PCED1B: variants seen among roughly 807,000 people sequenced by gnomAD.
PCED1B encodes the protein PC-esterase domain-containing protein 1B.
For synonymous variants in PCED1B, 251 were observed against 246.1 expected (o/e 1.02, Z -0.19); for missense variants, 573 against 573.9 (o/e 1.00, Z 0.02).
intron 3 of PCED1B, among the ~76,000 whole-genome samples, chr12:47,217,934 A>C (rs1371953644): frequency 3.3e-5 from 5 of 152,146 alleles, no homozygotes. Context: ...TACTTTTTGG[A>C]GGGTATGCTA....
intron 2 of PCED1B, among the ~76,000 whole-genome samples, chr12:47,104,567 C>G (rs1938861979): frequency 6.6e-6 from 1 of 152,132 alleles, no homozygotes; most frequent in Non-Finnish European, 1.5e-5. Context: ...CAACCACTTG[C>G]AGGTTATCAC....
At chr12:47,120,014 A>G (rs1939609060) in intron 2 of PCED1B, among the ~76,000 whole-genome samples, 1 of 152,092 alleles carries the variant, frequency 6.6e-6, no homozygotes, top group Non-Finnish European at 1.5e-5. Flanking sequence ...CCCAATTAAA[A>G]AATAGAAAAA....
At chr12:47,089,879 T>C (rs1165802764) in intron 1 of PCED1B, among the ~76,000 whole-genome samples, 2 of 152,060 alleles carry the variant, frequency 1.3e-5, no homozygotes, top group African/African-American at 4.8e-5. Flanking sequence ...GTTCAAGTGA[T>C]TCTCCTGCCT....
At chr12:47,228,506 G>A (rs1328669431) in intron 3 of PCED1B, among the ~76,000 whole-genome samples, 1 of 152,112 alleles carries the variant, frequency 6.6e-6, no homozygotes, top group Non-Finnish European at 1.5e-5. Flanking sequence ...TCTTCTATTA[G>A]AGATAGACTT....
chr12:47,232,914 TTTATTTA>T (rs1283748767), intron 3 of PCED1B, among the ~76,000 whole-genome samples: 68 of 147,338 alleles, frequency 4.6e-4, no homozygotes, highest in African/African-American at 9.3e-4. Flanking sequence ...ATTTTATTTA[TTTATTTA>T]TTTATTTATT....
intron 2 of PCED1B, among the ~76,000 whole-genome samples, chr12:47,112,746 T>C (rs1011185771): frequency 6.6e-6 from 1 of 152,224 alleles, no homozygotes; most frequent in Admixed American, 6.5e-5. Flanking sequence ...AGTACCTGCC[T>C]TTCTCTTATG....
In PCED1B at chr12:47,221,760, T is replaced by C. The variant is rs146328337; in HGVS notation, c.-58+5071T>C. Among the ~76,000 whole-genome samples, 82 of 152,250 alleles carry C rather than the reference T, an allele frequency of 5.4e-4. 2 individuals carry two copies. The highest frequency in any genetic ancestry group is 3.9e-3 in the South Asian group (19 of 4,826). On this transcript the variant is annotated intron_variant, in intron 3 of 3. Transcript: ENST00000546455. The stretch of plus-strand genomic sequence containing the variant: ...TGTTCAAAGGTCACAAGACAATTAT[T>C]TGAGAAATTCAGCCACAGTTTGATG...
At chr12:47,168,438 TAGTC>T (rs1372765007) in intron 2 of PCED1B, among the ~76,000 whole-genome samples, 2 of 152,220 alleles carry the variant, frequency 1.3e-5, no homozygotes, top group African/African-American at 4.8e-5. Context: ...ATGTTTCTCT[TAGTC>T]AGGCTTCTAT....
chr12:47,197,299 G>A (rs1489407015), intron 2 of PCED1B, among the ~76,000 whole-genome samples: 1 of 143,160 alleles, frequency 7.0e-6, no homozygotes, highest in East Asian at 2.2e-4. Flanking sequence ...GTAAAAAAAA[G>A]TCATTGCATA....
intron 2 of PCED1B, among the ~76,000 whole-genome samples, chr12:47,200,176 T>C (rs1942721416): frequency 6.7e-6 from 1 of 149,444 alleles, no homozygotes; most frequent in African/African-American, 2.5e-5. Context: ...GCCTGGGCTA[T>C]AAAGACAGAT....
intron 1 of PCED1B, among the ~76,000 whole-genome samples, chr12:47,090,258 C>G (rs73101417): frequency 0.21 from 32,347 of 151,902 alleles, 4,385 homozygotes; most frequent in Admixed American, 0.39. Context: ...GGACAACGAA[C>G]AGAGAACTCA....
chr12:47,156,721 C>A (rs1941204893), intron 2 of PCED1B, among the ~76,000 whole-genome samples: 1 of 152,058 alleles, frequency 6.6e-6, no homozygotes, highest in Admixed American at 6.6e-5. Context: ...TCTGAGTGCT[C>A]CGATAACACT....
intron 2 of PCED1B, among the ~76,000 whole-genome samples, chr12:47,162,438 G>A (rs1941416620): frequency 6.6e-6 from 1 of 152,122 alleles, no homozygotes; most frequent in Admixed American, 6.5e-5. Context: ...CAGTTCTGCA[G>A]TGTGTACAAG....
At chr12:47,135,707 G>A (rs1185796161) in intron 2 of PCED1B, 2 of 530,866 alleles carry the variant, frequency 3.8e-6, no homozygotes, top group East Asian at 1.1e-4. Flanking sequence ...TCTTGAAGAG[G>A]GTGTTGAATA....
At chr12:47,181,581 G>A (rs1436665040) in intron 2 of PCED1B, among the ~76,000 whole-genome samples, 1 of 151,922 alleles carries the variant, frequency 6.6e-6, no homozygotes, top group Non-Finnish European at 1.5e-5. Flanking sequence ...TGGCCAGGCA[G>A]GTCTTGAACT....
chr12:47,210,760 G>C (rs753948613), intron 2 of PCED1B: 1 of 151,976 alleles, frequency 6.6e-6, no homozygotes, highest in Non-Finnish European at 1.5e-5. Flanking sequence ...GCAACACTCT[G>C]TCTGAAAAAA....
intron 3 of PCED1B, among the ~76,000 whole-genome samples, chr12:47,226,654 C>T (rs546142244): frequency 6.6e-6 from 1 of 152,290 alleles, no homozygotes; most frequent in East Asian, 1.9e-4. Context: ...AGATTACAGG[C>T]GTGAGCCACT....
At chr12:47,104,074 G>A (rs1938837961) in intron 1 of PCED1B, 39 bp from the exon 2 acceptor site, 1 of 152,102 alleles carries the variant, frequency 6.6e-6, no homozygotes, top group African/African-American at 2.4e-5. Flanking sequence ...TAGGGGTGAT[G>A]GAAAATGAAT....
chr12:47,161,034 A>G (rs777107232), intron 2 of PCED1B, among the ~76,000 whole-genome samples: 10 of 152,220 alleles, frequency 6.6e-5, no homozygotes, highest in Non-Finnish European at 1.5e-4. Context: ...ACCTTCCACC[A>G]GGTTGCATTG....
Sources: allele counts gnomAD v4.1 joint callset (sites outside exome capture counted in the v4.1 genomes callset), GRCh38; gene constraint gnomAD v4.1.1; transcripts MANE v1.5; gene names NCBI Gene and HGNC (gene_info 2026-07-23, HGNC 2026-07-21).